Variants in PIGU observed in about 807,000 individuals in gnomAD.
PIGU encodes the protein GPI-anchor transamidase component PIGU.
A neutral mutation model predicts 49.9 loss-of-function variants in PIGU; 24 were observed. That is an observed-to-expected ratio of 0.48 (90% CI 0.35 to 0.68). The LOEUF is 0.68. PIGU is among the 30% of genes least tolerant of loss of function. The pLI, the probability that PIGU is intolerant of heterozygous loss-of-function variation, is 0.01. For missense variants in PIGU, 490 were observed against 532.6 expected (o/e 0.92, Z 0.79); for synonymous variants, 220 against 205.7 (o/e 1.07, Z -0.59).
intron 2 of PIGU, among the ~76,000 whole-genome samples, chr20:34,645,917 T>C (rs941204865): frequency 1.1e-4 from 16 of 151,530 alleles, no homozygotes; most frequent in Admixed American, 8.6e-4. Flanking sequence ...AATAAATAAA[T>C]AAAAAATATA....
chr20:34,673,233 G>T (rs1396649563), intron 1 of PIGU, among the ~76,000 whole-genome samples: 1 of 129,366 alleles, frequency 7.7e-6, no homozygotes, highest in East Asian at 2.3e-4. Context: ...CAGCCTGGGT[G>T]ACAGAGTGAG....
At chr20:34,593,334 T>C (rs1350965691) in intron 7 of PIGU, among the ~76,000 whole-genome samples, 1 of 58,958 alleles carries the variant, frequency 1.7e-5, no homozygotes, top group Non-Finnish European at 3.4e-5. Flanking sequence ...CGAGACTCTG[T>C]CTTAAAGAAA....
intron 9 of PIGU, among the ~76,000 whole-genome samples, chr20:34,584,504 CTTTTTTTTT>C (rs5841174): frequency 1.5e-5 from 1 of 66,406 alleles, no homozygotes; most frequent in Non-Finnish European, 2.9e-5. Context: ...AACTCCTGTT[CTTTTTTTTT>C]TTTTTTTTTT....
intron 2 of PIGU, among the ~76,000 whole-genome samples, chr20:34,650,700 C>CCTTTTT (rs1986509001): frequency 2.6e-5 from 1 of 38,778 alleles, no homozygotes; most frequent in African/African-American, 1.2e-4. Flanking sequence ...CTTTTTTTCT[C>CCTTTTT]TTTTTTTTTT....
At chr20:34,675,202 C>T (rs1246514636) in intron 1 of PIGU, among the ~76,000 whole-genome samples, 2 of 137,266 alleles carry the variant, frequency 1.5e-5, no homozygotes, top group Non-Finnish European at 1.5e-5. Context: ...GAGCCGAGAT[C>T]GCACCATTGC....
intron 11 of PIGU, among the ~76,000 whole-genome samples, chr20:34,570,116 T>A (rs1382377239): frequency 6.6e-6 from 1 of 152,198 alleles, no homozygotes; most frequent in Non-Finnish European, 1.5e-5. Flanking sequence ...TTACATAAAG[T>A]GTGGTGAGTT....
intron 6 of PIGU, among the ~76,000 whole-genome samples, chr20:34,625,399 A>G (rs1205359720): frequency 6.6e-6 from 1 of 151,444 alleles, no homozygotes; most frequent in African/African-American, 2.4e-5. Flanking sequence ...AAAAAAAACT[A>G]CATATCTATA....
chr20:34,670,041 G>A (rs1158568306), intron 1 of PIGU, among the ~76,000 whole-genome samples: 1 of 152,150 alleles, frequency 6.6e-6, no homozygotes, highest in East Asian at 1.9e-4. Context: ...AGAGTGAGGG[G>A]ATTGTGACGA....
chr20:34,651,166 A>G (rs1455058885), intron 2 of PIGU, among the ~76,000 whole-genome samples: 1 of 152,206 alleles, frequency 6.6e-6, no homozygotes, highest in African/African-American at 2.4e-5. Context: ...TTGAAGCTGG[A>G]TTTAGTCTTT....
intron 2 of PIGU, among the ~76,000 whole-genome samples, chr20:34,651,853 C>A (rs972261529): frequency 6.6e-6 from 1 of 151,960 alleles, no homozygotes; most frequent in Non-Finnish European, 1.5e-5. Context: ...CCTGCAATCA[C>A]AACACTTTAG....
At chr20:34,598,929 C>T (rs562318595) in intron 7 of PIGU, among the ~76,000 whole-genome samples, 2 of 152,160 alleles carry the variant, frequency 1.3e-5, no homozygotes, top group Admixed American at 6.5e-5. Flanking sequence ...TATTTGGGCC[C>T]TAACTCCTGG....
In PIGU at chr20:34,616,039, T is replaced by C. The variant is rs1984992808; in HGVS notation, c.627+3A>G. On this transcript the variant is annotated splice_donor_region_variant and intron_variant, in intron 7 of 11. Coordinates refer to ENST00000217446, the MANE Select transcript of PIGU (RefSeq NM_080476.5). The stretch of plus-strand genomic sequence containing the variant: ...TGCTGGCTTCTGACCAGCAAGTGCT[T>C]ACCTGGAGGAGATAGAGGAGTCCTG... The C allele has an allele frequency of 3.7e-6, 6 of 1,604,376 alleles. No individual in the cohort carries two copies. Among genetic ancestry groups the C allele is most frequent in the Admixed American group, 3.4e-5 (2 of 58,080 alleles).
intron 7 of PIGU, among the ~76,000 whole-genome samples, chr20:34,612,646 C>CA (rs1984863445): frequency 7.0e-6 from 1 of 143,486 alleles, no homozygotes; most frequent in Non-Finnish European, 1.5e-5. Flanking sequence ...TTTTTTGAGA[C>CA]AGAGTGTCAC....
intron 4 of PIGU, 106 bp downstream of exon 4, chr20:34,644,058 C>G (rs1312680098): frequency 9.4e-7 from 1 of 1,066,516 alleles, no homozygotes; most frequent in African/African-American, 1.6e-5. Context: ...CCATCACTTC[C>G]TAGCACTTTA....
intron 2 of PIGU, 113 bp downstream of exon 2, chr20:34,657,067 A>G (rs1465868454): frequency 1.2e-6 from 1 of 839,000 alleles, no homozygotes; most frequent in Admixed American, 2.8e-5. Context: ...GTTTCTAAAT[A>G]TGATCGTCAA....
intron 2 of PIGU, among the ~76,000 whole-genome samples, chr20:34,652,425 T>C (rs1986571348): frequency 6.6e-6 from 1 of 152,226 alleles, no homozygotes; most frequent in South Asian, 2.1e-4. Context: ...ACCATCTTTG[T>C]TTCAGTGATT....
intron 6 of PIGU, among the ~76,000 whole-genome samples, chr20:34,630,553 A>G (rs1985669222): frequency 6.6e-6 from 1 of 152,228 alleles, no homozygotes; most frequent in Non-Finnish European, 1.5e-5. Context: ...AGGCCAGCCC[A>G]CTGCCTGATT....
intron 9 of PIGU, among the ~76,000 whole-genome samples, chr20:34,582,659 C>T (rs893094723): frequency 3.3e-5 from 5 of 151,760 alleles, no homozygotes; most frequent in Admixed American, 6.6e-5. Context: ...GCCTGGATGA[C>T]ACAGTGTGAG....
chr20:34,667,946 T>C (rs1467199285), intron 1 of PIGU, among the ~76,000 whole-genome samples: 3 of 152,126 alleles, frequency 2.0e-5, no homozygotes, highest in African/African-American at 7.2e-5. Flanking sequence ...CATTTCAATA[T>C]GCACCCCTGA....
Sources: allele counts gnomAD v4.1 joint callset (sites outside exome capture counted in the v4.1 genomes callset), GRCh38; gene constraint gnomAD v4.1.1; transcripts MANE v1.5; gene names NCBI Gene and HGNC (gene_info 2026-07-23, HGNC 2026-07-21).